PTAFR: variants seen among roughly 807,000 people sequenced by gnomAD.
PTAFR encodes platelet activating factor receptor.
A neutral mutation model predicts 14.7 loss-of-function variants in PTAFR; 8 were observed. The ratio of observed to expected loss-of-function variants is 0.54; its 90% CI spans 0.32 to 0.98. The LOEUF (loss-of-function observed/expected upper bound fraction) is 0.98. PTAFR is among the 50% of genes least tolerant of loss of function. The pLI is 0.04. For missense variants in PTAFR, 337 were observed against 451.2 expected (o/e 0.75, Z 2.29); for synonymous variants, 156 against 176.5 (o/e 0.88, Z 0.92).
At chr1:28,155,317 T>C (rs1646251466) in intron 1 of PTAFR, among the ~76,000 whole-genome samples, 1 of 152,148 alleles carries the variant, frequency 6.6e-6, no homozygotes, top group South Asian at 2.1e-4. Flanking sequence ...TTCAAGCGAT[T>C]CTCCTGCCTC....
chr1:28,164,120 T>C (rs544780462), intron 1 of PTAFR, among the ~76,000 whole-genome samples: 1 of 152,260 alleles, frequency 6.6e-6, no homozygotes, highest in Non-Finnish European at 1.5e-5. Flanking sequence ...TTCTCATCCA[T>C]AGCTGGACAG....
intron 1 of PTAFR, among the ~76,000 whole-genome samples, chr1:28,187,226 G>A (rs1168207767): frequency 6.6e-6 from 1 of 152,132 alleles, no homozygotes; most frequent in Non-Finnish European, 1.5e-5. Context: ...ACAGAGCAAA[G>A]GAACAAAACA....
chr1:28,167,168 G>A (rs1646394745), intron 1 of PTAFR, among the ~76,000 whole-genome samples: 1 of 152,138 alleles, frequency 6.6e-6, no homozygotes, highest in African/African-American at 2.4e-5. Flanking sequence ...AGAGTGGAAA[G>A]GCAACCTGTG....
intron 1 of PTAFR, among the ~76,000 whole-genome samples, chr1:28,186,124 C>A (rs1646604165): frequency 6.6e-6 from 1 of 152,084 alleles, no homozygotes; most frequent in Admixed American, 6.5e-5. Flanking sequence ...ACTACAGGTG[C>A]ACACCACATG....
chr1:28,163,590 TC>T (rs1364378362), intron 1 of PTAFR, among the ~76,000 whole-genome samples: 2 of 152,238 alleles, frequency 1.3e-5, no homozygotes, highest in African/African-American at 4.8e-5. Context: ...GCAAGTGACC[TC>T]GCCTCTCTAA....
chr1:28,153,681 A>G (rs1646224200), intron 1 of PTAFR, among the ~76,000 whole-genome samples: 1 of 151,728 alleles, frequency 6.6e-6, no homozygotes, highest in Non-Finnish European at 1.5e-5. Flanking sequence ...CAAGGTCAGG[A>G]GTTCGAGACC....
At chr1:28,189,792 A>G (rs1646637664) in intron 1 of PTAFR, among the ~76,000 whole-genome samples, 1 of 150,364 alleles carries the variant, frequency 6.7e-6, no homozygotes, top group South Asian at 2.1e-4. Flanking sequence ...CAGCCTCCCG[A>G]GTAGCAGAGA....
At chr1:28,170,553 T>TTTGC (rs1394263490) in intron 1 of PTAFR, among the ~76,000 whole-genome samples, 1 of 148,562 alleles carries the variant, frequency 6.7e-6, no homozygotes, top group African/African-American at 2.5e-5. Context: ...AATTAAAAAT[T>TTTGC]AAAAAAAAAA....
At chr1:28,159,821 C>T (rs1251948254) in intron 1 of PTAFR, among the ~76,000 whole-genome samples, 3 of 149,768 alleles carry the variant, frequency 2.0e-5, no homozygotes, top group Admixed American at 6.6e-5. Flanking sequence ...AACGAAACTC[C>T]GTCTCAAAAA....
At chr1:28,185,707 AG>A (rs61162988) in intron 1 of PTAFR, among the ~76,000 whole-genome samples, 45,656 of 152,036 alleles carry the variant, frequency 0.3, 7,177 homozygotes, top group African/African-American at 0.36. Flanking sequence ...AAGGAAAAAA[AG>A]GTTACGAAGA....
At chr1:28,166,898 G>A (rs1572038147) in intron 1 of PTAFR, among the ~76,000 whole-genome samples, 1 of 152,060 alleles carries the variant, frequency 6.6e-6, no homozygotes, top group African/African-American at 2.4e-5. Context: ...GATACCTTGA[G>A]CCCAGGAGCT....
At chr1:28,159,470 G>A (rs1449797312) in intron 1 of PTAFR, among the ~76,000 whole-genome samples, 1 of 152,170 alleles carries the variant, frequency 6.6e-6, no homozygotes, top group Non-Finnish European at 1.5e-5. Flanking sequence ...GTGATCACAG[G>A]GAGAGCAGTT....
intron 1 of PTAFR, among the ~76,000 whole-genome samples, chr1:28,190,303 A>T (rs1646642205): frequency 6.6e-6 from 1 of 152,128 alleles, no homozygotes; most frequent in African/African-American, 2.4e-5. Context: ...ACACATTATT[A>T]TGCTGGAGAA....
chr1:28,184,579 C>T (rs984267743), intron 1 of PTAFR, among the ~76,000 whole-genome samples: 7 of 152,114 alleles, frequency 4.6e-5, no homozygotes, highest in Non-Finnish European at 8.8e-5. Flanking sequence ...CCACTGTAGT[C>T]GTTCTGTTCT....
chr1:28,161,587 T>A (rs1646324432), intron 1 of PTAFR, among the ~76,000 whole-genome samples: 1 of 152,188 alleles, frequency 6.6e-6, no homozygotes, highest in Non-Finnish European at 1.5e-5. Context: ...GCTCAAGTGA[T>A]CTGCCTGATT....
chr1:28,162,230 T>G (rs1646331803), intron 1 of PTAFR, among the ~76,000 whole-genome samples: 1 of 152,214 alleles, frequency 6.6e-6, no homozygotes, highest in African/African-American at 2.4e-5. Flanking sequence ...AAGAGCATTT[T>G]GGAGGTCAGA....
intron 1 of PTAFR, among the ~76,000 whole-genome samples, chr1:28,156,705 G>A (rs1238943399): frequency 8.5e-5 from 13 of 152,174 alleles, no homozygotes; most frequent in Non-Finnish European, 1.5e-5. Context: ...GAGACCAGAA[G>A]ACTTGAATAC....
At position 28,150,228 on chromosome 1, in the gene PTAFR, C is replaced by T. The variant is rs773660486; in HGVS notation, c.794G>A (p.Ser265Asn). Reference protein sequence around the residue: ...WTLAELGFQDSKFHQAINDAH... With the variant: ...WTLAELGFQDNKFHQAINDAH... ...ATCATTAATGGCCTGGTGGAATTTG[C>T]TGTCCTGGAAGCCCAGCTCAGCAAG... The change falls in exon 2 of 2, where the codon AGC becomes AAC. Residue 265 changes from serine to asparagine, a missense_variant. Coordinates refer to ENST00000373857, the MANE Select transcript of PTAFR (RefSeq NM_000952.5). The surrounding 1 kb of genome is among the most constrained non-coding windows in gnomAD (Gnocchi z 6.3). The T allele has an allele frequency of 6.2e-7, 1 of 1,613,534 alleles. No homozygotes were observed. The highest frequency in any genetic ancestry group is 2.2e-5 in the East Asian group (1 of 44,872).
At chr1:28,177,100 TGA>T (rs1373925128), upstream of PTAFR, 1 of 150,458 alleles carries the variant, frequency 6.6e-6, no homozygotes, top group Non-Finnish European at 1.5e-5. Flanking sequence ...CCGGGAGAGA[TGA>T]GAGGAACAAG....
Sources: allele counts gnomAD v4.1 joint callset (sites outside exome capture counted in the v4.1 genomes callset), GRCh38; gene constraint gnomAD v4.1.1; non-coding constraint Gnocchi (gnomAD v3.1); transcripts MANE v1.5; gene names NCBI Gene and HGNC (gene_info 2026-07-23, HGNC 2026-07-21).